Variants in PRRC2B observed in about 807,000 individuals in gnomAD.
PRRC2B encodes the protein proline rich coiled-coil 2B, also known as protein PRRC2B.
PRRC2B carries 68 observed loss-of-function variants against 242.3 expected under a neutral mutation model. That is an observed-to-expected ratio of 0.28 (90% CI 0.23 to 0.34). PRRC2B has a LOEUF of 0.34. Among genes scored for constraint, PRRC2B ranks in the 10% least tolerant of loss-of-function variants. PRRC2B has a pLI of 1.00. For missense variants in PRRC2B, 2,835 were observed against 2,954.8 expected, an observed-to-expected ratio of 0.96 and a Z score of 0.94; for synonymous variants, 1,228 against 1,173.6, an observed-to-expected ratio of 1.05 and a Z score of -0.95.
chr9:131,432,600 T>C lies in PRRC2B; in HGVS notation c.116-17T>C. 1.2e-6 allele frequency: 2 copies of C among 1,611,950 alleles called. No homozygotes were observed. The highest frequency in any genetic ancestry group is 1.7e-6 in the Non-Finnish European group (2 of 1,178,790). ...ACCTTTTTGCATGGTGTCTGTTCCA[T>C]GTCCCTCTCCCTGCAGTTATTCCTA... On this transcript the variant is annotated splice_polypyrimidine_tract_variant and intron_variant, in intron 2 of 31. Transcript: ENST00000683519.
intron 9 of PRRC2B, among the ~76,000 whole-genome samples, chr9:131,448,421 G>A (rs1157215829): frequency 1.3e-5 from 2 of 151,484 alleles, no homozygotes; most frequent in African/African-American, 2.4e-5. Context: ...GCGCGTGCCT[G>A]TAGTCCCAGC....
intron 1 of PRRC2B, among the ~76,000 whole-genome samples, chr9:131,394,989 C>G (rs7039362): frequency 0.024 from 3,697 of 151,586 alleles, 169 homozygotes; most frequent in African/African-American, 0.085. Flanking sequence ...TCTTTTGCCT[C>G]CCCTCAACCC....
At chr9:131,492,077 T>A in intron 29 of PRRC2B, 92 bp from the exon 30 acceptor site, 1 of 996,442 alleles carries the variant, frequency 1.0e-6, no homozygotes, top group Non-Finnish European at 1.6e-6. Flanking sequence ...CCCATGGCCC[T>A]CACCACCTCT....
Position 131,498,067 on chromosome 9 carries a change from A to G in PRRC2B, c.*2193A>G, listed in dbSNP as rs546512773. 1.3e-5 allele frequency: 2 copies of G among 152,330 alleles called. No homozygotes were observed. The highest frequency in any genetic ancestry group is 4.8e-5 in the African/African-American group (2 of 41,562). 9.4% of individuals were successfully genotyped at this position (152,330 alleles called of 1,614,324 possible). A position where few individuals can be genotyped will look rare whatever the true frequency, so the allele number is the denominator to read the frequency against. On this transcript the variant is annotated 3_prime_UTR_variant, in exon 32 of 32. Coordinates refer to ENST00000683519, the MANE Select transcript of PRRC2B (RefSeq NM_013318.4). Reference sequence around the variant, plus strand: ...GATTTGTCAAAAGAAAGCCTTCTGGATGCTGTTAAGATGTACCCTTCAGGT... The same window carrying G: ...GATTTGTCAAAAGAAAGCCTTCTGGGTGCTGTTAAGATGTACCCTTCAGGT...
At chr9:131,430,550 G>GATA (rs1838119816) in intron 2 of PRRC2B, among the ~76,000 whole-genome samples, 2 of 82,760 alleles carry the variant, frequency 2.4e-5, no homozygotes, top group African/African-American at 8.4e-5. Flanking sequence ...GATATCTATA[G>GATA]GTGTGTGTGT....
chr9:131,449,525 T>C (rs527967872), intron 9 of PRRC2B, among the ~76,000 whole-genome samples: 1 of 152,336 alleles, frequency 6.6e-6, no homozygotes, highest in African/African-American at 2.4e-5. Context: ...TGCATTTTGC[T>C]GATGACTAAT....
chr9:131,474,103 G>T (rs966408063), intron 15 of PRRC2B, among the ~76,000 whole-genome samples: 3 of 152,210 alleles, frequency 2.0e-5, no homozygotes, highest in Admixed American at 2.0e-4. Flanking sequence ...GGCCTCCCAG[G>T]CTCCAGCTTG....
chr9:131,471,067 A>C, intron 14 of PRRC2B, 84 bp downstream of exon 14: 2 of 987,094 alleles, frequency 2.0e-6, no homozygotes, highest in Non-Finnish European at 3.0e-6. Flanking sequence ...TTAAACAGAT[A>C]CACCTGGATT....
At position 131,487,953 on chromosome 9, in the gene PRRC2B, A is replaced by G; in HGVS notation, c.6082A>G (p.Met2028Val). The change falls in exon 28 of 32, where the codon ATG becomes GTG. Residue 2028 changes from methionine (M) to valine (V), a missense_variant. Physicochemically the swap from Met to Val is conservative, Grantham distance 21 (BLOSUM62 1). Coordinates refer to ENST00000683519, the MANE Select transcript of PRRC2B (RefSeq NM_013318.4). This position sits in a 1 kb window ranked among gnomAD's most constrained non-coding sequence, Gnocchi z 5.3. The part of the protein sequence containing the change: ...LKPPYSAFPG[M>V]QPLEMVKPQS... ...GCCTCCATACTCGGCGTTCCCAGGC[A>G]TGCAGCCCTTGGAGATGGTGAAGCC... is the stretch of plus-strand genomic sequence containing the variant. The G allele has an allele frequency of 1.2e-6, 2 of 1,613,436 alleles. No individual in the cohort carries two copies. Among genetic ancestry groups the G allele is most frequent in the South Asian group, 2.2e-5 (2 of 90,950 alleles).
Position 131,498,978 on chromosome 9 carries a change from G to GC in PRRC2B, c.*3104_*3105insC, listed in dbSNP as rs1554766991. Reference sequence around the variant, plus strand: ...TTGGCTTCTCCCCACAGCGTTTTTTGTTTTTTTTTAAACATTCATATTGTT... The same window carrying GC: ...TTGGCTTCTCCCCACAGCGTTTTTTGCTTTTTTTTTAAACATTCATATTGTT... On this transcript the variant is annotated 3_prime_UTR_variant, in exon 32 of 32. Transcript: ENST00000683519. The GC allele has an allele frequency of 6.0e-5, 9 of 151,158 alleles. No individual in the cohort carries two copies. Among genetic ancestry groups the GC allele is most frequent in the Non-Finnish European group, 1.3e-4 (9 of 67,718 alleles). The allele number at this position is 151,158 out of a possible 1,614,324, so 9.4% of individuals were successfully genotyped here. A position where few individuals can be genotyped will look rare whatever the true frequency, so the allele number is the denominator to read the frequency against.
At chr9:131,426,333 G>T (rs1837973756) in intron 1 of PRRC2B, among the ~76,000 whole-genome samples, 1 of 40,998 alleles carries the variant, frequency 2.4e-5, no homozygotes, top group Non-Finnish European at 4.2e-5. Context: ...AAGAAACTCT[G>T]TCTCAAAAAA....
At chr9:131,471,066 T>TA (rs1413466850) in intron 14 of PRRC2B, 83 bp downstream of exon 14, 7 of 985,412 alleles carry the variant, frequency 7.1e-6, no homozygotes, top group Non-Finnish European at 8.9e-6. Context: ...GTTAAACAGA[T>TA]ACACCTGGAT....
chr9:131,476,588 A>C, intron 16 of PRRC2B, 53 bp downstream of exon 16: 3 of 1,498,274 alleles, frequency 2.0e-6, no homozygotes, highest in Non-Finnish European at 1.8e-6. Flanking sequence ...TGTTCTCAGC[A>C]GCACTGAGTT....
chr9:131,474,798 C>T lies in PRRC2B; in HGVS notation c.2669C>T (p.Thr890Ile). The change falls in exon 16 of 32, where the codon ACA becomes ATA. Residue 890 changes from threonine to isoleucine, a missense_variant. By Grantham distance (89) the Thr-to-Ile change is moderately conservative (BLOSUM62 -1). Coordinates refer to ENST00000683519, the MANE Select transcript of PRRC2B (RefSeq NM_013318.4). ...ACAGCCCATGGTGTTGAGCGGGAGA[C>T]ACCCCGGGAGGGGACGGCCTTTAAC... ...ADTAHGVERE[T>I]PREGTAFNIS... 6.2e-7 allele frequency: 1 copy of T among 1,612,620 alleles called. No homozygotes were observed. Among genetic ancestry groups the T allele is most frequent in the East Asian group, 2.2e-5 (1 of 44,850 alleles).
chr9:131,376,366 A>G (rs1836685116), intron 1 of PRRC2B, among the ~76,000 whole-genome samples: 1 of 151,946 alleles, frequency 6.6e-6, no homozygotes, highest in Non-Finnish European at 1.5e-5. Flanking sequence ...AAAAAAAAAA[A>G]AAGGATGAAA....
chr9:131,433,034 T>G lies in PRRC2B; in HGVS notation c.293+240T>G, dbSNP rs562323839. Among the ~76,000 whole-genome samples the G allele has an allele frequency of 3.3e-5, 5 of 152,372 alleles. No homozygotes were observed. The East Asian group carries it at 9.6e-4, about 29-fold the overall frequency. ...TTTAGAGCCGATGGAGCAGCACATC[T>G]GTGGACAACCTTGTCCCCAGTGACC... is the stretch of plus-strand genomic sequence containing the variant. On this transcript the variant is annotated intron_variant, in intron 3 of 31. Transcript: ENST00000683519.
chr9:131,433,369 C>G (rs1838241247), intron 3 of PRRC2B, among the ~76,000 whole-genome samples: 1 of 152,212 alleles, frequency 6.6e-6, no homozygotes. Context: ...CACCTCCTGC[C>G]AGCACAGTAC....
At position 131,479,374 on chromosome 9, in the gene PRRC2B, C is replaced by G; in HGVS notation, c.4881C>G (p.Ile1627Met). ...CTGGCAGCAGCCTGGGCACTGAGAT[C>G]TGGGAGAGCAGCAGCCAGGGTGAGA... is the stretch of plus-strand genomic sequence containing the variant. Reference protein sequence around the residue: ...TVPGSSLGTEIWESSSQALPV... With the variant: ...TVPGSSLGTEMWESSSQALPV... Residue 1627 changes from isoleucine to methionine, a missense_variant, in exon 19 of 32, where the codon ATC becomes ATG. Ile to Met is a conservative substitution (Grantham distance 10). Transcript: ENST00000683519. 1.2e-6 allele frequency: 2 copies of G among 1,613,714 alleles called. No individual in the cohort carries two copies. The highest frequency in any genetic ancestry group is 1.7e-6 in the Non-Finnish European group (2 of 1,179,788).
At chr9:131,491,036 C>T (rs183266815) in intron 28 of PRRC2B, 18 of 232,234 alleles carry the variant, frequency 7.8e-5, no homozygotes, top group African/African-American at 2.7e-4. Flanking sequence ...AGGGCCCTGC[C>T]GCTTCCTTGG....
Sources: allele counts gnomAD v4.1 joint callset (sites outside exome capture counted in the v4.1 genomes callset), GRCh38; gene constraint gnomAD v4.1.1; non-coding constraint Gnocchi (gnomAD v3.1); transcripts MANE v1.5; gene names NCBI Gene and HGNC (gene_info 2026-07-23, HGNC 2026-07-21).